FOXN3: variants seen among roughly 807,000 people sequenced by gnomAD.
The protein encoded by FOXN3 is forkhead box protein N3.
A neutral mutation model predicts 38.4 loss-of-function variants in FOXN3; 7 were observed. The observed-to-expected ratio is 0.18, with a 90% CI of 0.10 to 0.34. The LOEUF (loss-of-function observed/expected upper bound fraction) is 0.34. Among genes scored for constraint, FOXN3 ranks in the 10% least tolerant of loss-of-function variants. The pLI is 1.00. For synonymous variants in FOXN3, 230 were observed against 242.2 expected, an observed-to-expected ratio of 0.95 and a Z score of 0.47; for missense variants, 456 against 613.4, an observed-to-expected ratio of 0.74 and a Z score of 2.71.
intron 3 of FOXN3, among the ~76,000 whole-genome samples, chr14:89,301,475 TA>T (rs1013713755): frequency 7.4e-5 from 11 of 148,780 alleles, no homozygotes; most frequent in African/African-American, 2.5e-4. Context: ...TACCCCATCT[TA>T]AAAAAAAATG....
At chr14:89,500,958 C>T (rs1392471554) in intron 1 of FOXN3, among the ~76,000 whole-genome samples, 2 of 152,210 alleles carry the variant, frequency 1.3e-5, no homozygotes, top group Non-Finnish European at 1.5e-5. Flanking sequence ...CTTTAAATGT[C>T]TCCTGTTGAG....
intron 1 of FOXN3, among the ~76,000 whole-genome samples, chr14:89,452,964 C>T (rs772977215): frequency 4.6e-5 from 7 of 152,064 alleles, no homozygotes; most frequent in Non-Finnish European, 8.8e-5. Context: ...TTTGGAAGGC[C>T]GAGATGGGCA....
At chr14:89,549,545 C>T (rs1398914857) in intron 1 of FOXN3, among the ~76,000 whole-genome samples, 2 of 151,640 alleles carry the variant, frequency 1.3e-5, no homozygotes, top group African/African-American at 2.4e-5. Context: ...TCCTACTCCC[C>T]AATATCCCCC....
At position 89,318,806 on chromosome 14, in the gene FOXN3, C is replaced by T. The variant is rs560112777; in HGVS notation, c.680+31866G>A. ...AATCCGGGTTCTCCCTGCCTTCCTGCACCGTGGCCAGATGAAGCCGCCGAC... is the reference window on the plus strand; with the variant it reads ...AATCCGGGTTCTCCCTGCCTTCCTGTACCGTGGCCAGATGAAGCCGCCGAC... On this transcript the variant is annotated intron_variant, in intron 3 of 5. Coordinates refer to ENST00000557258, the MANE Select transcript of FOXN3 (RefSeq NM_005197.4). 9.8e-5 allele frequency among the ~76,000 whole-genome samples: 15 copies of T among 152,342 alleles called. No individual in the cohort carries two copies. In the East Asian group the frequency reaches 2.9e-3, roughly 29 times the overall value.
chr14:89,202,149 T>C (rs1888251896), intron 4 of FOXN3, among the ~76,000 whole-genome samples: 1 of 152,200 alleles, frequency 6.6e-6, no homozygotes, highest in African/African-American at 2.4e-5. Flanking sequence ...TCCTCCCTAA[T>C]GCTCGAGCAC....
intron 4 of FOXN3, among the ~76,000 whole-genome samples, chr14:89,187,277 C>A (rs73321235): frequency 0.053 from 8,011 of 152,274 alleles, 365 homozygotes; most frequent in African/African-American, 0.12. Flanking sequence ...GAAGCTCTAT[C>A]AACAGAGCCC....
chr14:89,558,305 A>G (rs1311481003), intron 1 of FOXN3, among the ~76,000 whole-genome samples: 2 of 152,196 alleles, frequency 1.3e-5, no homozygotes, highest in African/African-American at 4.8e-5. Context: ...ATGAAGTCAG[A>G]AAATAGAATA....
chr14:89,272,745 C>T (rs558455069), intron 4 of FOXN3, among the ~76,000 whole-genome samples: 4 of 151,622 alleles, frequency 2.6e-5, no homozygotes, highest in Non-Finnish European at 4.4e-5. Context: ...CCCAGCTACT[C>T]GGGAGGCTGA....
chr14:89,221,456 C>A (rs1002646178), intron 4 of FOXN3, among the ~76,000 whole-genome samples: 1 of 152,176 alleles, frequency 6.6e-6, no homozygotes. Context: ...TTATATATAA[C>A]CTTTACCTTT....
chr14:89,612,082 CAG>C (rs1896404701), intron 1 of FOXN3, among the ~76,000 whole-genome samples: 1 of 152,012 alleles, frequency 6.6e-6, no homozygotes, highest in African/African-American at 2.4e-5. Context: ...GATTTGGAGT[CAG>C]GGGACTTGAC....
At chr14:89,294,042 C>T (rs1886960199) in intron 3 of FOXN3, among the ~76,000 whole-genome samples, 3 of 152,074 alleles carry the variant, frequency 2.0e-5, no homozygotes. Context: ...TGACACCTTC[C>T]TCAGCTACGT....
At chr14:89,608,103 C>T (rs1896310499) in intron 1 of FOXN3, among the ~76,000 whole-genome samples, 4 of 152,322 alleles carry the variant, frequency 2.6e-5, no homozygotes, top group South Asian at 4.1e-4. Context: ...CTCAGCCTCC[C>T]GAGTACCTGG....
intron 3 of FOXN3, among the ~76,000 whole-genome samples, chr14:89,292,796 C>G (rs963753734): frequency 1.3e-5 from 2 of 152,144 alleles, no homozygotes; most frequent in Non-Finnish European, 1.5e-5. Flanking sequence ...CAGACTAAGA[C>G]GAGCGGTCAC....
chr14:89,588,895 C>T (rs900168619), intron 1 of FOXN3, among the ~76,000 whole-genome samples: 7 of 152,160 alleles, frequency 4.6e-5, no homozygotes, highest in African/African-American at 1.7e-4. Context: ...CCATCTAGTT[C>T]CCATGACTGA....
intron 1 of FOXN3, among the ~76,000 whole-genome samples, chr14:89,432,304 T>C (rs1296923307): frequency 3.3e-5 from 5 of 152,174 alleles, no homozygotes; most frequent in Non-Finnish European, 7.4e-5. Context: ...ACCACCCTGC[T>C]CCTAATTTTC....
At chr14:89,370,297 CAA>C in intron 2 of FOXN3, among the ~76,000 whole-genome samples, 1 of 152,290 alleles carries the variant, frequency 6.6e-6, no homozygotes. Flanking sequence ...TTTATAGCTA[CAA>C]AAATGGTCTC....
intron 4 of FOXN3, among the ~76,000 whole-genome samples, chr14:89,198,676 T>C (rs1888159150): frequency 6.6e-6 from 1 of 152,210 alleles, no homozygotes; most frequent in South Asian, 2.1e-4. Context: ...TGGAGGGTGC[T>C]ACTGGCATCT....
chr14:89,363,964 AT>A lies in FOXN3; in HGVS notation c.544-13157del, dbSNP rs1218757253. ...GTCTGTAAAATATATATATATATAT[AT>A]ATATATATATATATATATATATAAT... On this transcript the variant is annotated intron_variant, in intron 2 of 5. Coordinates refer to ENST00000557258, the MANE Select transcript of FOXN3 (RefSeq NM_005197.4). Among the ~76,000 whole-genome samples, 15 of 26,766 alleles carry A rather than the reference AT, an allele frequency of 5.6e-4. 1 individual carries two copies. Among genetic ancestry groups the A allele is most frequent in the African/African-American group, 1.5e-3 (13 of 8,562 alleles). The allele number at this position is 26,766 out of a possible 152,430, so 17.6% of individuals were successfully genotyped here.
At chr14:89,519,614 G>C (rs1894279125) in intron 1 of FOXN3, among the ~76,000 whole-genome samples, 1 of 152,154 alleles carries the variant, frequency 6.6e-6, no homozygotes, top group African/African-American at 2.4e-5. Context: ...CCTGTCCTAA[G>C]ATGACAATGA....
Sources: gnomAD v4.1 joint callset for allele counts (sites outside exome capture counted in the v4.1 genomes callset) on GRCh38, gnomAD v4.1.1 for gene constraint, MANE v1.5 for transcripts, NCBI Gene and HGNC (gene_info 2026-07-23, HGNC 2026-07-21) for gene names.